Variants in OPCML observed in about 807,000 individuals in gnomAD.
OPCML encodes opioid binding protein/cell adhesion molecule like, also known as opioid-binding protein/cell adhesion molecule.
OPCML carries 13 observed loss-of-function variants against 37.8 expected under a neutral mutation model. That is an observed-to-expected ratio of 0.34 (90% CI 0.22 to 0.55). The LOEUF is 0.55. OPCML is among the 20% of genes least tolerant of loss of function. OPCML has a pLI of 0.91. For missense variants in OPCML, 341 were observed against 435.6 expected (o/e 0.78, Z 1.93); for synonymous variants, 176 against 168.8 (o/e 1.04, Z -0.33).
chr11:132,593,574 G>A (rs2096488029), intron 3 of OPCML, among the ~76,000 whole-genome samples: 1 of 152,160 alleles, frequency 6.6e-6, no homozygotes, highest in South Asian at 2.1e-4. Flanking sequence ...AAAAGTTAGA[G>A]AGAAAAAGGC....
intron 1 of OPCML, among the ~76,000 whole-genome samples, chr11:133,115,050 T>G (rs533872579): frequency 1.0e-3 from 158 of 152,330 alleles, no homozygotes; most frequent in African/African-American, 3.7e-3. Context: ...AAATTCTGCT[T>G]ATAAATTATT....
At chr11:133,140,898 C>CGAAGACGAAGACGAA (rs1336324682) in intron 1 of OPCML, among the ~76,000 whole-genome samples, 1 of 3,274 alleles carries the variant, frequency 3.1e-4, no homozygotes, top group African/African-American at 4.0e-4. Context: ...ACGACGAAGA[C>CGAAGACGAAGACGAA]GACGACGACG....
At chr11:133,022,337 T>G (rs1947470992) in intron 1 of OPCML, among the ~76,000 whole-genome samples, 1 of 152,204 alleles carries the variant, frequency 6.6e-6, no homozygotes, top group Non-Finnish European at 1.5e-5. Flanking sequence ...TTCTGTTTTT[T>G]ATTTTACTTT....
At chr11:132,983,837 A>G (rs1350561822) in intron 1 of OPCML, among the ~76,000 whole-genome samples, 1 of 152,222 alleles carries the variant, frequency 6.6e-6, no homozygotes, top group Non-Finnish European at 1.5e-5. Context: ...TTAATGGCCT[A>G]TTAACATTCT....
rs1014085844 is a variant in OPCML at position 133,013,323 on chromosome 11, A to C, written c.62-70313T>G. Among the ~76,000 whole-genome samples the C allele has an allele frequency of 2.0e-4, 31 of 152,208 alleles. 1 individual carries two copies. Among genetic ancestry groups the C allele is most frequent in the Non-Finnish European group, 5.9e-5 (4 of 68,044 alleles). On this transcript the variant is annotated intron_variant, in intron 1 of 7. Coordinates refer to ENST00000524381, the MANE Select transcript of OPCML (RefSeq NM_001012393.5). ...AAAAATGAAATGTTTAAAATAATGC[A>C]ATGAATTCAAAAGACTAGTTCAAAC...
intron 1 of OPCML, among the ~76,000 whole-genome samples, chr11:133,190,721 T>C (rs1434773364): frequency 1.3e-5 from 2 of 152,218 alleles, no homozygotes; most frequent in East Asian, 1.9e-4. Context: ...TTTGTATAAA[T>C]AAAATTATGC....
intron 1 of OPCML, among the ~76,000 whole-genome samples, chr11:133,255,494 A>G (rs1346761805): frequency 6.6e-6 from 1 of 152,246 alleles, no homozygotes; most frequent in East Asian, 1.9e-4. Context: ...CATCAAAAAC[A>G]AAACATTTTG....
At chr11:133,008,740 T>C (rs1244014557) in intron 1 of OPCML, 2 of 310,054 alleles carry the variant, frequency 6.5e-6, no homozygotes, top group East Asian at 1.7e-4. Context: ...CTGATATGAC[T>C]GCAACAATGT....
At chr11:133,332,928 C>G (rs143936803) in intron 1 of OPCML, among the ~76,000 whole-genome samples, 13 of 152,088 alleles carry the variant, frequency 8.5e-5, no homozygotes, top group Admixed American at 2.6e-4. Context: ...ACTACAGTGA[C>G]GCAAACAGCA....
chr11:133,107,636 C>T (rs1489552757), intron 1 of OPCML, among the ~76,000 whole-genome samples: 1 of 152,164 alleles, frequency 6.6e-6, no homozygotes, highest in Admixed American at 6.5e-5. Context: ...TAGTCACAGA[C>T]GCTTTGTCTG....
intron 3 of OPCML, among the ~76,000 whole-genome samples, chr11:132,642,550 T>A (rs1332323893): frequency 2.0e-5 from 3 of 152,210 alleles, no homozygotes; most frequent in African/African-American, 7.2e-5. Context: ...TGTGATAAAA[T>A]CATATTAGGA....
At chr11:133,202,124 T>C (rs567946058) in intron 1 of OPCML, among the ~76,000 whole-genome samples, 1 of 152,102 alleles carries the variant, frequency 6.6e-6, no homozygotes. Flanking sequence ...GATCCGGGAA[T>C]GATTTAGGTG....
chr11:132,943,178 G>A lies in OPCML; in HGVS notation c.62-168C>T. On this transcript the variant is annotated intron_variant, in intron 1 of 7. Coordinates refer to ENST00000524381, the MANE Select transcript of OPCML (RefSeq NM_001012393.5). This position sits in a 1 kb window ranked among gnomAD's most constrained non-coding sequence, Gnocchi z 4.3. Reference sequence around the variant, plus strand: ...CGCACCAGCGGGCTCGGGAAGCGGTGCGGGGAGGAGGGAAGGGGCAGAGTT... The same window carrying A: ...CGCACCAGCGGGCTCGGGAAGCGGTACGGGGAGGAGGGAAGGGGCAGAGTT... 7.6e-6 allele frequency: 12 copies of A among 1,588,424 alleles called. No homozygotes were observed. The South Asian group carries it at 1.4e-4, about 18-fold the overall frequency.
chr11:133,309,866 G>T (rs1420657990), intron 1 of OPCML, among the ~76,000 whole-genome samples: 1 of 152,182 alleles, frequency 6.6e-6, no homozygotes, highest in Non-Finnish European at 1.5e-5. Context: ...GATGTCTATT[G>T]GTGGGGAAGT....
At chr11:133,417,581 C>T (rs1016273378) in intron 1 of OPCML, among the ~76,000 whole-genome samples, 6 of 151,552 alleles carry the variant, frequency 4.0e-5, no homozygotes, top group African/African-American at 1.5e-4. Context: ...TGTGCTGCAC[C>T]CATTAACTGG....
At chr11:132,923,284 G>C (rs11223279) in intron 2 of OPCML, among the ~76,000 whole-genome samples, 17,255 of 152,078 alleles carry the variant, frequency 0.11, 1,320 homozygotes, top group Middle Eastern at 0.17. Context: ...TTCCTTGTAT[G>C]AGAACCAGAC....
At chr11:132,610,800 AC>A (rs1467282913) in intron 3 of OPCML, among the ~76,000 whole-genome samples, 1 of 152,118 alleles carries the variant, frequency 6.6e-6, no homozygotes, top group African/African-American at 2.4e-5. Flanking sequence ...ATCAACCTCA[AC>A]CTCCTTGAGT....
chr11:132,479,271 C>T (rs1033645269), intron 4 of OPCML, among the ~76,000 whole-genome samples: 1 of 152,140 alleles, frequency 6.6e-6, no homozygotes, highest in African/African-American at 2.4e-5. Context: ...ACAGACGGCA[C>T]CTGGAAAATC....
At chr11:132,857,990 G>A (rs114801576) in intron 2 of OPCML, among the ~76,000 whole-genome samples, 2,319 of 152,216 alleles carry the variant, frequency 0.015, 55 homozygotes, top group African/African-American at 0.053. Context: ...ACAGTGTGGC[G>A]TCCTTAGGAA....
Sources: gnomAD v4.1 joint callset for allele counts (sites outside exome capture counted in the v4.1 genomes callset) on GRCh38, gnomAD v4.1.1 for gene constraint, Gnocchi (gnomAD v3.1) non-coding constraint, MANE v1.5 for transcripts, NCBI Gene and HGNC (gene_info 2026-07-23, HGNC 2026-07-21) for gene names.